Variants in STAU1 observed in about 807,000 individuals in gnomAD.
The protein encoded by STAU1 is staufen double-stranded RNA binding protein 1.
STAU1 carries 13 observed loss-of-function variants against 62.9 expected under a neutral mutation model. The observed-to-expected ratio is 0.21, with a 90% CI of 0.13 to 0.33. STAU1 has a LOEUF of 0.33. STAU1 is among the 10% of genes least tolerant of loss of function. STAU1 has a pLI of 1.00. For synonymous variants in STAU1, 269 were observed against 265.1 expected (o/e 1.01, Z -0.14); for missense variants, 571 against 712.1 (o/e 0.80, Z 2.25).
intron 3 of STAU1, among the ~76,000 whole-genome samples, chr20:49,154,416 T>C (rs974115157): frequency 6.6e-6 from 1 of 152,234 alleles, no homozygotes; most frequent in African/African-American, 2.4e-5. Context: ...AATGTCCAAA[T>C]TGTTTTACTG....
At position 49,134,691 on chromosome 20, in the gene STAU1, T is replaced by C. The variant is rs41283566; in HGVS notation, c.609+1142A>G. The C allele has an allele frequency of 6.8e-4, 736 of 1,089,686 alleles. 1 individual carries two copies. The highest frequency in any genetic ancestry group is 9.0e-4 in the Non-Finnish European group (637 of 704,936). 67.5% of individuals were successfully genotyped at this position (1,089,686 alleles called of 1,614,324 possible). A position where few individuals can be genotyped will look rare whatever the true frequency, so the allele number is the denominator to read the frequency against. On this transcript the variant is annotated intron_variant, in intron 6 of 13. Transcript: ENST00000371856. ...GAAGCTGATAGGACCTTGATATATT[T>C]AACTCTCTACATTTCTGAATGTCTG...
At chr20:49,210,521 T>C in the STAU1 span, 64 of 456,012 alleles carry the variant, frequency 1.4e-4, no homozygotes, top group African/African-American at 1.1e-3. Context: ...GGGGGAAAAT[T>C]CTACATCACT....
At chr20:49,147,838 T>A (rs149667863) in intron 5 of STAU1, among the ~76,000 whole-genome samples, 10 of 152,308 alleles carry the variant, frequency 6.6e-5, no homozygotes, top group African/African-American at 2.4e-4. Context: ...ATTCAAGATA[T>A]ACACATCAGT....
At chr20:49,169,902 C>A (rs1466564424) in intron 2 of STAU1, among the ~76,000 whole-genome samples, 2 of 152,170 alleles carry the variant, frequency 1.3e-5, no homozygotes, top group Non-Finnish European at 2.9e-5. Flanking sequence ...ATAGGTGTTT[C>A]TTTTAAAAGA....
At chr20:49,172,173 G>A (rs1172736214) in intron 2 of STAU1, among the ~76,000 whole-genome samples, 1 of 152,190 alleles carries the variant, frequency 6.6e-6, no homozygotes, top group African/African-American at 2.4e-5. Flanking sequence ...CAGTTGGGAG[G>A]TCAGATGGTC....
At chr20:49,191,843 G>A (rs2093831695), upstream of STAU1, among the ~76,000 whole-genome samples, 1 of 152,032 alleles carries the variant, frequency 6.6e-6, no homozygotes, top group South Asian at 2.1e-4. Context: ...TTGAGGTCAG[G>A]AGTTCGAGAC....
chr20:49,203,183 A>C, the STAU1 span, among the ~76,000 whole-genome samples: 1 of 152,114 alleles, frequency 6.6e-6, no homozygotes, highest in Non-Finnish European at 1.5e-5. Flanking sequence ...CCAATACTTT[A>C]GGAGCCCGAG....
At chr20:49,121,639 CCTTT>C (rs10538088) in intron 8 of STAU1, among the ~76,000 whole-genome samples, 31,782 of 151,916 alleles carry the variant, frequency 0.21, 3,363 homozygotes, top group Non-Finnish European at 0.23. Flanking sequence ...TACTACACAT[CCTTT>C]CTGTCAGTAA....
At chr20:49,189,801 T>C (rs1033454332), upstream of STAU1, among the ~76,000 whole-genome samples, 1 of 152,036 alleles carries the variant, frequency 6.6e-6, no homozygotes, top group Non-Finnish European at 1.5e-5. Context: ...CTCTCTTTCT[T>C]AAATGTCTCT....
the STAU1 span, chr20:49,219,182 C>T: frequency 3.2e-6 from 2 of 621,448 alleles, no homozygotes; most frequent in East Asian, 2.8e-5. Context: ...CACCCTTCCA[C>T]CCTCCTCAAA....
intron 6 of STAU1, among the ~76,000 whole-genome samples, chr20:49,128,114 A>G (rs1484562022): frequency 4.0e-5 from 6 of 151,788 alleles, no homozygotes; most frequent in Non-Finnish European, 7.4e-5. Flanking sequence ...ACGCCATTGC[A>G]CTCCAGCCTG....
chr20:49,202,070 A>C, the STAU1 span, among the ~76,000 whole-genome samples: 1 of 151,362 alleles, frequency 6.6e-6, no homozygotes, highest in East Asian at 1.9e-4. Context: ...AATACAAAAA[A>C]TTAGCTGGGC....
At chr20:49,153,888 G>A (rs781049292) in intron 4 of STAU1, 45 bp downstream of exon 4, 5 of 1,494,666 alleles carry the variant, frequency 3.3e-6, no homozygotes, top group South Asian at 1.3e-5. Context: ...GATCAGACAC[G>A]TTTTCTCCTG....
At chr20:49,171,343 G>A (rs989192235) in intron 2 of STAU1, among the ~76,000 whole-genome samples, 2 of 152,194 alleles carry the variant, frequency 1.3e-5, no homozygotes, top group Non-Finnish European at 2.9e-5. Flanking sequence ...TGCCCAGGCT[G>A]GAGTGCAGTG....
At chr20:49,169,856 T>C (rs1028030530) in intron 2 of STAU1, among the ~76,000 whole-genome samples, 2 of 152,204 alleles carry the variant, frequency 1.3e-5, no homozygotes, top group Admixed American at 1.3e-4. Flanking sequence ...ATAGCATACA[T>C]AAGCACCATA....
intron 5 of STAU1, among the ~76,000 whole-genome samples, chr20:49,144,494 A>ACAAT (rs1373871623): frequency 2.0e-5 from 3 of 152,226 alleles, no homozygotes; most frequent in Non-Finnish European, 4.4e-5. Flanking sequence ...TTTTGCTTAG[A>ACAAT]CAATCTCACC....
At chr20:49,191,033 A>AT (rs3091940), upstream of STAU1, among the ~76,000 whole-genome samples, 19,484 of 141,866 alleles carry the variant, frequency 0.14, 1,393 homozygotes, top group South Asian at 0.17. Context: ...ATTTTTAATT[A>AT]TTTTTTTTTT....
rs755517444 is a variant in STAU1 at position 49,114,819 on chromosome 20, G to C, written c.*59C>G. The C allele has an allele frequency of 2.4e-4, 383 of 1,574,652 alleles. No individual in the cohort carries two copies. Among genetic ancestry groups the C allele is most frequent in the Non-Finnish European group, 3.2e-4 (366 of 1,147,208 alleles). ...TCAGAAATTCCAAATTTTCAAAGCA[G>C]TTTCAGTATTTTCAGTATATATGTT... On this transcript the variant is annotated 3_prime_UTR_variant, in exon 14 of 14. Coordinates refer to ENST00000371856, the MANE Select transcript of STAU1 (RefSeq NM_017453.4).
At chr20:49,211,111 T>C in the STAU1 span, among the ~76,000 whole-genome samples, 1 of 152,200 alleles carries the variant, frequency 6.6e-6, no homozygotes, top group Non-Finnish European at 1.5e-5. Flanking sequence ...CTTAGTATAA[T>C]GTTTTTGAGG....
Sources: allele counts gnomAD v4.1 joint callset (sites outside exome capture counted in the v4.1 genomes callset), GRCh38; gene constraint gnomAD v4.1.1; transcripts MANE v1.5; gene names NCBI Gene and HGNC (gene_info 2026-07-23, HGNC 2026-07-21).